ARPP21: variants seen among roughly 807,000 people sequenced by gnomAD.
ARPP21 encodes cAMP-regulated phosphoprotein 21.
A neutral mutation model predicts 113.2 loss-of-function variants in ARPP21; 69 were observed. That is an observed-to-expected ratio of 0.61 (90% CI 0.50 to 0.74). ARPP21 has a LOEUF of 0.74. Among genes scored for constraint, ARPP21 ranks in the 30% least tolerant of loss-of-function variants. The probability of loss-of-function intolerance (pLI) is 0.00; values close to 1 mark genes in which losing one functional copy is unlikely to be tolerated. For missense variants in ARPP21, 1,070 were observed against 1,037.4 expected (o/e 1.03, Z -0.43); for synonymous variants, 368 against 375.5 (o/e 0.98, Z 0.23).
intron 9 of ARPP21, among the ~76,000 whole-genome samples, chr3:35,700,357 T>C (rs1295134292): frequency 1.3e-5 from 2 of 151,750 alleles, no homozygotes; most frequent in Non-Finnish European, 2.9e-5. Context: ...TCAAATATAG[T>C]ATGCTAGTTT....
Position 35,668,014 on chromosome 3 carries a change from G to GAAGAAGAAGAAA in ARPP21, c.-212-11762_-212-11761insAAAGAAGAAGAA, listed in dbSNP as rs1326148607. On this transcript the variant is annotated intron_variant, in intron 1 of 20. Coordinates refer to ENST00000684406, the MANE Select transcript of ARPP21 (RefSeq NM_001385562.1). ...AGAAGAAGAAGAAGAAGAAGAAGAAGAAGAAGAAGAAGAAGAAGGAGAAGA... is the reference window on the plus strand; with the variant it reads ...AGAAGAAGAAGAAGAAGAAGAAGAAGAAGAAGAAGAAAAAGAAGAAGAAGAAGAAGGAGAAGA... 1.2e-3 allele frequency among the ~76,000 whole-genome samples: 175 copies of GAAGAAGAAGAAA among 149,848 alleles called. 7 individuals carry two copies. Among genetic ancestry groups the GAAGAAGAAGAAA allele is most frequent in the African/African-American group, 3.6e-3 (144 of 40,066 alleles).
intron 13 of ARPP21, among the ~76,000 whole-genome samples, chr3:35,718,080 C>T (rs10510666): frequency 0.36 from 54,261 of 151,904 alleles, 10,935 homozygotes; most frequent in East Asian, 0.72. Flanking sequence ...GATTTACCTC[C>T]GTTGCAGGAA....
intron 19 of ARPP21, among the ~76,000 whole-genome samples, chr3:35,775,786 CT>C (rs922252445): frequency 3.2e-4 from 49 of 151,546 alleles, no homozygotes; most frequent in African/African-American, 1.1e-3. Flanking sequence ...ATCTCATTTC[CT>C]TTTTTTTGAA....
In ARPP21 at chr3:35,667,841, AAAGAAGAAGAAG is replaced by A. The variant is rs757542723; in HGVS notation, c.-212-11908_-212-11897del. 5.2e-4 allele frequency among the ~76,000 whole-genome samples: 42 copies of A among 81,546 alleles called. 1 individual carries two copies. Among genetic ancestry groups the A allele is most frequent in the African/African-American group, 2.3e-3 (39 of 16,786 alleles). 53.5% of individuals were successfully genotyped at this position (81,546 alleles called of 152,430 possible). On this transcript the variant is annotated intron_variant, in intron 1 of 20. Coordinates refer to ENST00000684406, the MANE Select transcript of ARPP21 (RefSeq NM_001385562.1). ...GATCACCTGCAGTACTTTTATTCTC[AAAGAAGAAGAAG>A]AAGAAGAAGAAGAAGAAGAAGAAGA...
At chr3:35,782,515 G>C (rs1031422914) in intron 19 of ARPP21, among the ~76,000 whole-genome samples, 1 of 151,978 alleles carries the variant, frequency 6.6e-6, no homozygotes, top group African/African-American at 2.4e-5. Context: ...GTATCCTCAA[G>C]AGGAAAAACC....
intron 11 of ARPP21, among the ~76,000 whole-genome samples, chr3:35,713,941 C>A (rs2091899856): frequency 6.6e-6 from 1 of 152,112 alleles, no homozygotes; most frequent in Admixed American, 6.5e-5. Context: ...TCTAAGCTAA[C>A]CTCGCTTTCT....
intron 14 of ARPP21, among the ~76,000 whole-genome samples, chr3:35,726,623 T>A (rs1576345613): frequency 6.6e-6 from 1 of 152,362 alleles, no homozygotes; most frequent in Non-Finnish European, 1.5e-5. Flanking sequence ...TATAATGTTG[T>A]AAATCAGTGA....
At chr3:35,773,160 G>A (rs532692355) in intron 19 of ARPP21, among the ~76,000 whole-genome samples, 1 of 152,186 alleles carries the variant, frequency 6.6e-6, no homozygotes, top group Admixed American at 6.5e-5. Flanking sequence ...GGTGAACCCT[G>A]GGAGTGGCGT....
intron 19 of ARPP21, among the ~76,000 whole-genome samples, chr3:35,767,376 G>C (rs1289350373): frequency 6.6e-6 from 1 of 152,060 alleles, no homozygotes; most frequent in Non-Finnish European, 1.5e-5. Context: ...CTTTTATACT[G>C]TTTCTGGACT....
intron 1 of ARPP21, among the ~76,000 whole-genome samples, chr3:35,674,544 A>G (rs907718140): frequency 6.6e-6 from 1 of 151,746 alleles, no homozygotes; most frequent in Admixed American, 6.6e-5. Flanking sequence ...TACCTACAAA[A>G]CCTGGGTATA....
Position 35,681,797 on chromosome 3 carries a change from G to A in ARPP21, c.46G>A (p.Gly16Arg). The change falls in exon 3 of 21, where the codon GGG (glycine) becomes AGG (arginine). Residue 16 changes from glycine to arginine, a missense_variant. Physicochemically the swap from Gly to Arg is moderately radical, Grantham distance 125. Transcript: ENST00000684406. ...GAATCAGGCAATAGCAGAGGAAGGA[G>A]GGACTGAGCAGGAGACGGCCACTCC... ...DLNQAIAEEG[G>R]TEQETATPEN... is the part of the protein sequence containing the mutation. The A allele has an allele frequency of 6.2e-7, 1 of 1,611,594 alleles. No homozygotes were observed. Among genetic ancestry groups the A allele is most frequent in the Non-Finnish European group, 8.5e-7 (1 of 1,178,344 alleles).
intron 1 of ARPP21, among the ~76,000 whole-genome samples, chr3:35,660,720 G>T (rs1559532250): frequency 6.6e-6 from 1 of 152,144 alleles, no homozygotes; most frequent in Admixed American, 6.5e-5. Flanking sequence ...TAAGGAGAAT[G>T]ACTAACTTTT....
chr3:35,684,929 G>T (rs1416744512), intron 5 of ARPP21: 1 of 984,926 alleles, frequency 1.0e-6, no homozygotes, highest in Non-Finnish European at 1.2e-6. Flanking sequence ...GAAATGTGTG[G>T]CTTTCCTTCA....
At chr3:35,741,345 A>T (rs2094644644) in intron 18 of ARPP21, among the ~76,000 whole-genome samples, 1 of 152,220 alleles carries the variant, frequency 6.6e-6, no homozygotes, top group South Asian at 2.1e-4. Context: ...TTCTTTTTGA[A>T]GAATCACAGA....
At chr3:35,749,387 T>G (rs2095314320) in intron 19 of ARPP21, among the ~76,000 whole-genome samples, 1 of 144,256 alleles carries the variant, frequency 6.9e-6, no homozygotes, top group Non-Finnish European at 1.5e-5. Context: ...GAAATATACT[T>G]AGCTTCATTC....
At chr3:35,670,954 AC>A (rs2076200174) in intron 1 of ARPP21, among the ~76,000 whole-genome samples, 1 of 151,934 alleles carries the variant, frequency 6.6e-6, no homozygotes, top group Non-Finnish European at 1.5e-5. Flanking sequence ...TTTATTCAAA[AC>A]GCTAGTATTT....
At chr3:35,717,435 G>A (rs545502469) in intron 13 of ARPP21, 78 bp downstream of exon 13, 319 of 880,676 alleles carry the variant, frequency 3.6e-4, no homozygotes, top group Non-Finnish European at 5.3e-4. Flanking sequence ...TAGTGTACTC[G>A]TGTAAAATAT....
intron 19 of ARPP21, among the ~76,000 whole-genome samples, chr3:35,745,733 C>T (rs1168607954): frequency 6.6e-6 from 1 of 152,144 alleles, no homozygotes; most frequent in Non-Finnish European, 1.5e-5. Flanking sequence ...GATGTCAAAA[C>T]AAGAGACAAT....
chr3:35,763,692 T>C (rs1316033104), intron 19 of ARPP21, among the ~76,000 whole-genome samples: 1 of 152,150 alleles, frequency 6.6e-6, no homozygotes, highest in Non-Finnish European at 1.5e-5. Context: ...TTTGAAGGCA[T>C]AACTGACTTT....
Sources: allele counts gnomAD v4.1 joint callset (sites outside exome capture counted in the v4.1 genomes callset), GRCh38; gene constraint gnomAD v4.1.1; transcripts MANE v1.5; gene names NCBI Gene and HGNC (gene_info 2026-07-23, HGNC 2026-07-21).